The following DLGAP2 variants were observed in gnomAD, a reference collection of about 807,000 sequenced individuals.
The protein encoded by DLGAP2 is disks large-associated protein 2.
Under a neutral mutation model 100.3 loss-of-function variants are expected in DLGAP2, and 26 were observed. That is an observed-to-expected ratio of 0.26 (90% CI 0.19 to 0.36). The LOEUF is 0.36. Ranked by LOEUF, DLGAP2 falls within the 10% of genes least tolerant of loss-of-function variation. The pLI, the probability that DLGAP2 is intolerant of heterozygous loss-of-function variation, is 1.00. For synonymous variants in DLGAP2, 886 were observed against 630.1 expected, an observed-to-expected ratio of 1.41 and a Z score of -6.08; for missense variants, 1,858 against 1,453.2, an observed-to-expected ratio of 1.28 and a Z score of -4.53.
intron 8 of DLGAP2, among the ~76,000 whole-genome samples, chr8:1,652,665 C>G (rs1798193908): frequency 1.3e-5 from 2 of 152,126 alleles, no homozygotes; most frequent in South Asian, 4.1e-4. Context: ...TGAATCAGTC[C>G]TTTCTGTGCA....
chr8:1,500,123 ACAAAGATGTG>A (rs1389159795), intron 3 of DLGAP2, among the ~76,000 whole-genome samples: 1 of 152,246 alleles, frequency 6.6e-6, no homozygotes, highest in Admixed American at 6.5e-5. Flanking sequence ...CAAAATGGTG[ACAAAGATGTG>A]TGTACGCACA....
At chr8:1,609,963 A>T (rs1156303790) in intron 6 of DLGAP2, among the ~76,000 whole-genome samples, 20 of 151,430 alleles carry the variant, frequency 1.3e-4, no homozygotes, top group Non-Finnish European at 2.4e-4. Context: ...CCCACTGTCA[A>T]CATTAGACAG....
At chr8:1,601,769 A>G (rs1796632690) in intron 6 of DLGAP2, among the ~76,000 whole-genome samples, 1 of 152,158 alleles carries the variant, frequency 6.6e-6, no homozygotes, top group Non-Finnish European at 1.5e-5. Flanking sequence ...GCTCTCTCGT[A>G]GCTTAGGGTC....
At chr8:923,995 T>G (rs1353149665) in intron 2 of DLGAP2, among the ~76,000 whole-genome samples, 1 of 152,232 alleles carries the variant, frequency 6.6e-6, no homozygotes, top group African/African-American at 2.4e-5. Flanking sequence ...AATGATGCTG[T>G]TAACATTGCT....
chr8:1,501,494 A>T lies in DLGAP2; in HGVS notation c.172+63A>T. Reference sequence around the variant, plus strand: ...GGACAGAACCGGGCATGCTCCGGGCACCTCCCATCATGCGGACCGTCCCAC... The same window carrying T: ...GGACAGAACCGGGCATGCTCCGGGCTCCTCCCATCATGCGGACCGTCCCAC... On this transcript the variant is annotated intron_variant, in intron 4 of 14. Coordinates refer to ENST00000637795, the MANE Select transcript of DLGAP2 (RefSeq NM_001346810.2). 8.2e-6 allele frequency: 12 copies of T among 1,470,526 alleles called. No homozygotes were observed. In the South Asian group the frequency reaches 1.3e-4, roughly 16 times the overall value. 91.1% of individuals were successfully genotyped at this position (1,470,526 alleles called of 1,614,324 possible).
chr8:1,537,997 A>G (rs1345002131), intron 4 of DLGAP2, among the ~76,000 whole-genome samples: 1 of 152,238 alleles, frequency 6.6e-6, no homozygotes, highest in Middle Eastern at 3.4e-3. Context: ...GGGAACAGAG[A>G]GCTGCTGTCC....
chr8:780,795 G>C (rs1821661850), intron 1 of DLGAP2, among the ~76,000 whole-genome samples: 1 of 152,230 alleles, frequency 6.6e-6, no homozygotes, highest in Admixed American at 6.5e-5. Context: ...CTCACCAAAG[G>C]CTGGTGCCCT....
At chr8:768,495 G>T (rs544998001) in intron 1 of DLGAP2, among the ~76,000 whole-genome samples, 8 of 145,728 alleles carry the variant, frequency 5.5e-5, no homozygotes, top group African/African-American at 2.1e-4. Context: ...TGTGATCTTG[G>T]CTCACTGCAA....
chr8:1,494,659 T>C (rs1406773205), intron 3 of DLGAP2, among the ~76,000 whole-genome samples: 3 of 150,502 alleles, frequency 2.0e-5, no homozygotes, highest in Admixed American at 6.6e-5. Context: ...TCCCGGGAGG[T>C]GGAGGTTACA....
At chr8:1,410,632 C>T (rs1336579269) in intron 3 of DLGAP2, among the ~76,000 whole-genome samples, 1 of 152,166 alleles carries the variant, frequency 6.6e-6, no homozygotes, top group Admixed American at 6.5e-5. Flanking sequence ...CCTGGGGGAG[C>T]TTGTAAGTAT....
chr8:1,580,195 G>C (rs1197404136), intron 6 of DLGAP2, among the ~76,000 whole-genome samples: 1 of 152,158 alleles, frequency 6.6e-6, no homozygotes, highest in Non-Finnish European at 1.5e-5. Context: ...CAAACTCTCA[G>C]AGAAAACGTG....
chr8:1,228,192 C>G (rs912618842), intron 2 of DLGAP2, among the ~76,000 whole-genome samples: 1 of 151,412 alleles, frequency 6.6e-6, no homozygotes, highest in African/African-American at 2.4e-5. Context: ...CAAACCTGCA[C>G]GTTGTGCACA....
At chr8:1,049,401 A>C (rs375310224) in intron 2 of DLGAP2, among the ~76,000 whole-genome samples, 1 of 152,122 alleles carries the variant, frequency 6.6e-6, no homozygotes, top group South Asian at 2.1e-4. Context: ...CCACCTGGGT[A>C]GGAACATTTG....
intron 1 of DLGAP2, among the ~76,000 whole-genome samples, chr8:789,674 T>G (rs1192954408): frequency 1.3e-5 from 2 of 152,258 alleles, no homozygotes; most frequent in Admixed American, 6.5e-5. Flanking sequence ...GCTATCACAC[T>G]GTCAGCAGAC....
At chr8:1,542,041 G>C (rs1179930938) in intron 4 of DLGAP2, among the ~76,000 whole-genome samples, 2 of 152,236 alleles carry the variant, frequency 1.3e-5, no homozygotes, top group African/African-American at 4.8e-5. Context: ...AACAGCTTCA[G>C]CCACATTCTT....
chr8:1,180,351 A>C (rs1304853448), intron 2 of DLGAP2, among the ~76,000 whole-genome samples: 1 of 152,166 alleles, frequency 6.6e-6, no homozygotes, highest in Non-Finnish European at 1.5e-5. Context: ...CACCAGAAGC[A>C]CGCTTCTGAT....
chr8:1,584,369 G>T (rs1475600813), intron 6 of DLGAP2, among the ~76,000 whole-genome samples: 1 of 152,198 alleles, frequency 6.6e-6, no homozygotes, highest in African/African-American at 2.4e-5. Context: ...CAAAACGGGA[G>T]CAGACGCCAG....
Position 1,678,376 on chromosome 8 carries a change from G to T in DLGAP2, c.2451G>T (p.Ala817=). 1.9e-6 allele frequency: 3 copies of T among 1,613,936 alleles called. No individual in the cohort carries two copies. The highest frequency in any genetic ancestry group is 2.2e-5 in the South Asian group (2 of 91,080). Residue 817 remains alanine, a synonymous_variant, in exon 12 of 15, where the codon GCG becomes GCT. Transcript: ENST00000637795. ...SEPSTPTQYS[A]VRTVRTQGLF... is the part of the protein sequence containing the mutation. ...CCAGCACCCCCACCCAGTACAGCGC[G>T]GTGAGAACTGTACGGACCCAGGGGC...
chr8:1,519,449 C>T (rs1800512018), intron 4 of DLGAP2, among the ~76,000 whole-genome samples: 1 of 152,162 alleles, frequency 6.6e-6, no homozygotes, highest in Non-Finnish European at 1.5e-5. Context: ...AGGTTGGATC[C>T]ATCAGAAAAT....
Sources: allele counts gnomAD v4.1 joint callset (sites outside exome capture counted in the v4.1 genomes callset), GRCh38; gene constraint gnomAD v4.1.1; transcripts MANE v1.5; gene names NCBI Gene and HGNC (gene_info 2026-07-23, HGNC 2026-07-21).